The following NDUFAF5 variants were observed in gnomAD, a reference collection of about 807,000 sequenced individuals.
The protein encoded by NDUFAF5 is NADH:ubiquinone oxidoreductase complex assembly factor 5.
NDUFAF5 carries 34 observed loss-of-function variants against 48.9 expected under a neutral mutation model. The observed-to-expected ratio is 0.70, with a 90% CI of 0.53 to 0.93. NDUFAF5 has a LOEUF of 0.93. Among genes scored for constraint, NDUFAF5 ranks in the 40% least tolerant of loss-of-function variants. The probability of loss-of-function intolerance (pLI) is 0.00; values close to 1 mark genes in which losing one functional copy is unlikely to be tolerated. For missense variants in NDUFAF5, 428 were observed against 427.5 expected, an observed-to-expected ratio of 1.00 and a Z score of -0.01; for synonymous variants, 153 against 150.6, an observed-to-expected ratio of 1.02 and a Z score of -0.12.
chr20:13,797,097 A>G (rs1203071976), intron 5 of NDUFAF5, among the ~76,000 whole-genome samples: 1 of 152,216 alleles, frequency 6.6e-6, no homozygotes, highest in East Asian at 1.9e-4. Flanking sequence ...AATCCAGGAC[A>G]CTGACAACAC....
intron 6 of NDUFAF5, among the ~76,000 whole-genome samples, chr20:13,799,763 C>T (rs560256442): frequency 1.3e-5 from 2 of 151,312 alleles, no homozygotes; most frequent in South Asian, 4.2e-4. Context: ...GAGACTGTTT[C>T]AGTGGTCCAA....
intron 7 of NDUFAF5, among the ~76,000 whole-genome samples, chr20:13,802,420 G>A (rs1443587576): frequency 3.3e-5 from 5 of 152,120 alleles, no homozygotes; most frequent in Non-Finnish European, 5.9e-5. Context: ...TGTAATCCCA[G>A]CACTTTGGGA....
At chr20:13,814,595 C>T in intron 8 of NDUFAF5, 1 of 689,250 alleles carries the variant, frequency 1.5e-6, no homozygotes, top group Non-Finnish European at 2.2e-6. Context: ...TTTTGATAAG[C>T]AGTTGAACTT....
intron 3 of NDUFAF5, among the ~76,000 whole-genome samples, chr20:13,789,048 C>T (rs773604079): frequency 1.3e-5 from 2 of 152,080 alleles, no homozygotes; most frequent in African/African-American, 2.4e-5. Flanking sequence ...ATATAAGTAG[C>T]TTTATTAATG....
At chr20:13,788,191 C>A (rs1274353178) in intron 2 of NDUFAF5, among the ~76,000 whole-genome samples, 1 of 152,170 alleles carries the variant, frequency 6.6e-6, no homozygotes, top group East Asian at 1.9e-4. Flanking sequence ...ATGATGATTT[C>A]TAAGTATTCC....
chr20:13,800,144 AG>A (rs1173928770), intron 6 of NDUFAF5, among the ~76,000 whole-genome samples: 3 of 152,096 alleles, frequency 2.0e-5, no homozygotes, highest in African/African-American at 7.2e-5. Context: ...GCCAAGCTGA[AG>A]TTAGGGATTG....
At chr20:13,790,716 C>A (rs1396593338) in intron 3 of NDUFAF5, among the ~76,000 whole-genome samples, 1 of 152,172 alleles carries the variant, frequency 6.6e-6, no homozygotes, top group African/African-American at 2.4e-5. Flanking sequence ...CCATCTTCTT[C>A]CTTTCACTCC....
intron 7 of NDUFAF5, among the ~76,000 whole-genome samples, chr20:13,803,647 G>A (rs1984548311): frequency 6.6e-6 from 1 of 152,084 alleles, no homozygotes; most frequent in Non-Finnish European, 1.5e-5. Context: ...TTTGTATAGT[G>A]AATTAACATC....
chr20:13,810,881 A>AT (rs906259987), intron 8 of NDUFAF5, among the ~76,000 whole-genome samples: 12 of 151,718 alleles, frequency 7.9e-5, no homozygotes, highest in South Asian at 4.2e-4. Flanking sequence ...TTGTGGGTCT[A>AT]TTTTTTTTGT....
At chr20:13,799,709 A>G (rs3842497) in intron 6 of NDUFAF5, among the ~76,000 whole-genome samples, 6 of 148,600 alleles carry the variant, frequency 4.0e-5, no homozygotes, top group South Asian at 2.1e-4. Flanking sequence ...AAAAAAAAAA[A>G]AAAGAAAGAA....
intron 8 of NDUFAF5, among the ~76,000 whole-genome samples, chr20:13,811,683 G>C (rs1157675687): frequency 6.6e-6 from 1 of 152,160 alleles, no homozygotes; most frequent in Non-Finnish European, 1.5e-5. Flanking sequence ...CTCTGAAAGA[G>C]GTTAGATATG....
chr20:13,815,808 C>T (rs1178689620), intron 8 of NDUFAF5, among the ~76,000 whole-genome samples: 1 of 152,102 alleles, frequency 6.6e-6, no homozygotes, highest in Non-Finnish European at 1.5e-5. Flanking sequence ...ATCAAATATA[C>T]AACATTAATC....
rs1482553069 is a variant in NDUFAF5 at position 13,819,110 on chromosome 20, CTTATT to C, written c.*1904_*1908del. The C allele has an allele frequency of 2.0e-5, 3 of 152,268 alleles. No homozygotes were observed. Among genetic ancestry groups the C allele is most frequent in the Non-Finnish European group, 4.4e-5 (3 of 68,022 alleles). 9.4% of individuals were successfully genotyped at this position (152,268 alleles called of 1,614,324 possible). On this transcript the variant is annotated 3_prime_UTR_variant, in exon 11 of 11. Coordinates refer to ENST00000378106, the MANE Select transcript of NDUFAF5 (RefSeq NM_024120.5). ...AATGTGAGTGATTGTAGTGAAAACACTTATTTTAGTGTGTATAACACTAGTGAAAT... is the reference window on the plus strand; with the variant it reads ...AATGTGAGTGATTGTAGTGAAAACACTTAGTGTGTATAACACTAGTGAAAT...
Position 13,808,825 on chromosome 20 carries a change from T to C in NDUFAF5, c.718-17T>C. On this transcript the variant is annotated splice_polypyrimidine_tract_variant and intron_variant, in intron 7 of 10. Transcript: ENST00000378106. ...ATCATGAATGTCAAATGAATATTTC[T>C]TTTTCTTTTTAAATAGGACACTGAT... 1.3e-6 allele frequency: 2 copies of C among 1,507,186 alleles called. No individual in the cohort carries two copies. The highest frequency in any genetic ancestry group is 9.2e-7 in the Non-Finnish European group (1 of 1,083,926). The allele number at this position is 1,507,186 out of a possible 1,614,324, so 93.4% of individuals were successfully genotyped here. A position where few individuals can be genotyped will look rare whatever the true frequency, so the allele number is the denominator to read the frequency against.
At chr20:13,801,409 TA>T in intron 6 of NDUFAF5, 76 bp from the exon 7 acceptor site, 8 of 887,576 alleles carry the variant, frequency 9.0e-6, no homozygotes, top group Non-Finnish European at 1.4e-5. Flanking sequence ...AATGTTAATT[TA>T]GACACTATAT....
intron 8 of NDUFAF5, among the ~76,000 whole-genome samples, chr20:13,811,475 T>C (rs117317439): frequency 6.6e-6 from 1 of 151,588 alleles, no homozygotes; most frequent in Non-Finnish European, 1.5e-5. Flanking sequence ...AGTACTGGAG[T>C]GTAGAGGAAA....
rs1437047987 is a variant in NDUFAF5 at position 13,818,088 on chromosome 20, T to C, written c.*878T>C. 3.1e-5 allele frequency: 14 copies of C among 454,128 alleles called. No homozygotes were observed. Among genetic ancestry groups the C allele is most frequent in the South Asian group, 2.2e-4 (14 of 64,472 alleles). The allele number at this position is 454,128 out of a possible 1,614,324, so 28.1% of individuals were successfully genotyped here. The stretch of plus-strand genomic sequence containing the variant: ...TAGCCTCATCTTCAGCCTTCAGTGA[T>C]CTATAATAGCATTTCCTTCTGTCTC... On this transcript the variant is annotated 3_prime_UTR_variant, in exon 11 of 11. Coordinates refer to ENST00000378106, the MANE Select transcript of NDUFAF5 (RefSeq NM_024120.5).
intron 5 of NDUFAF5, among the ~76,000 whole-genome samples, chr20:13,796,298 A>G (rs1983202767): frequency 6.6e-6 from 1 of 152,178 alleles, no homozygotes; most frequent in Non-Finnish European, 1.5e-5. Context: ...AAAACTACTC[A>G]CATTCTGTCA....
At position 13,819,473 on chromosome 20, in the gene NDUFAF5, A is replaced by T. The variant is rs1986832799; in HGVS notation, c.*2263A>T. 1.3e-5 allele frequency: 2 copies of T among 152,142 alleles called. 1 individual carries two copies. Among genetic ancestry groups the T allele is most frequent in the South Asian group, 4.1e-4 (2 of 4,832 alleles). 9.4% of individuals were successfully genotyped at this position (152,142 alleles called of 1,614,324 possible). ...TGCCTCCGCTTCCTGGGTTCAAGTG[A>T]TTCTTCCTGCCTCAGCTTCCCAAGT... On this transcript the variant is annotated 3_prime_UTR_variant, in exon 11 of 11. Transcript: ENST00000378106.
Sources: gnomAD v4.1 joint callset for allele counts (sites outside exome capture counted in the v4.1 genomes callset) on GRCh38, gnomAD v4.1.1 for gene constraint, MANE v1.5 for transcripts, NCBI Gene and HGNC (gene_info 2026-07-23, HGNC 2026-07-21) for gene names.